TERF1: variants seen among roughly 807,000 people sequenced by gnomAD.
The protein encoded by TERF1 is telomeric repeat-binding factor 1.
Under a neutral mutation model 55.1 loss-of-function variants are expected in TERF1, and 20 were observed. The ratio of observed to expected loss-of-function variants is 0.36; its 90% CI spans 0.26 to 0.53. The LOEUF (loss-of-function observed/expected upper bound fraction) is 0.53. Among genes scored for constraint, TERF1 ranks in the 20% least tolerant of loss-of-function variants. The pLI, the probability that TERF1 is intolerant of heterozygous loss-of-function variation, is 0.91. For missense variants in TERF1, 439 were observed against 535.7 expected, an observed-to-expected ratio of 0.82 and a Z score of 1.78; for synonymous variants, 168 against 181.2, an observed-to-expected ratio of 0.93 and a Z score of 0.59.
intron 5 of TERF1, among the ~76,000 whole-genome samples, chr8:73,025,903 A>G (rs1808966531): frequency 6.6e-6 from 1 of 150,588 alleles, no homozygotes; most frequent in Admixed American, 6.6e-5. Flanking sequence ...CTCAAAAAAA[A>G]GACATTTCTG....
chr8:73,030,517 T>G (rs1419111831), intron 7 of TERF1, 122 bp downstream of exon 7: 11 of 608,994 alleles, frequency 1.8e-5, no homozygotes, highest in Non-Finnish European at 2.4e-5. Flanking sequence ...GGGTCCTAGT[T>G]AGCCCAACAG....
At chr8:73,031,979 C>T in intron 7 of TERF1, 63 bp from the exon 8 acceptor site, 1 of 1,128,420 alleles carries the variant, frequency 8.9e-7, no homozygotes, top group South Asian at 1.3e-5. Flanking sequence ...AAATCATTTA[C>T]CTGTTTTCCA....
In TERF1 at chr8:73,038,992, G is replaced by A. The variant is rs2306494; in HGVS notation, c.1040-124G>A. 0.65 allele frequency: 537,438 copies of A among 831,048 alleles called. 178,923 individuals are homozygous for A. The highest frequency in any genetic ancestry group is 0.73 in the Middle Eastern group (1,921 of 2,630). The allele number at this position is 831,048 out of a possible 1,614,324, so 51.5% of individuals were successfully genotyped here. On this transcript the variant is annotated intron_variant, in intron 8 of 9. Coordinates refer to ENST00000276603, the MANE Select transcript of TERF1 (RefSeq NM_017489.3). ...ACTGCTTCCAGATTTGAAGGAAAAAGTTAAACATGTACTTTTTCTTAGAAT... is the reference window on the plus strand; with the variant it reads ...ACTGCTTCCAGATTTGAAGGAAAAAATTAAACATGTACTTTTTCTTAGAAT...
intron 7 of TERF1, chr8:73,030,858 C>T (rs1266341308): frequency 6.6e-6 from 1 of 152,420 alleles, no homozygotes; most frequent in Non-Finnish European, 1.5e-5. Context: ...TGATTTCTAA[C>T]ATAGAGCAGT....
At chr8:73,021,621 T>A (rs1461766826) in intron 3 of TERF1, among the ~76,000 whole-genome samples, 1 of 152,200 alleles carries the variant, frequency 6.6e-6, no homozygotes. Context: ...TAGGTACTAT[T>A]GTTTCCACCA....
chr8:73,012,738 A>C, intron 1 of TERF1: 1 of 269,256 alleles, frequency 3.7e-6, no homozygotes. Context: ...AATTTGTAAA[A>C]AACATGCAAT....
At chr8:73,037,559 G>A (rs1272141927) in intron 8 of TERF1, among the ~76,000 whole-genome samples, 3 of 92,908 alleles carry the variant, frequency 3.2e-5, no homozygotes, top group African/African-American at 8.1e-5. Context: ...ATTCGGGGGG[G>A]AAAATATATA....
At chr8:73,012,152 C>G (rs1808303595) in intron 1 of TERF1, 1 of 152,090 alleles carries the variant, frequency 6.6e-6, no homozygotes, top group African/African-American at 2.4e-5. Flanking sequence ...ATAAGGAGGC[C>G]TGAAGAGAGG....
intron 1 of TERF1, chr8:73,009,524 C>G (rs944221543): frequency 9.9e-6 from 3 of 302,576 alleles, no homozygotes; most frequent in African/African-American, 6.6e-5. Context: ...GCTTTCTACT[C>G]AGGTATTCCT....
intron 9 of TERF1, among the ~76,000 whole-genome samples, chr8:73,040,475 A>G (rs1809786754): frequency 6.6e-6 from 1 of 152,206 alleles, no homozygotes; most frequent in Non-Finnish European, 1.5e-5. Context: ...GTGAATTCCC[A>G]AAGGAGAAGA....
At chr8:73,021,719 A>T (rs544536816) in intron 3 of TERF1, among the ~76,000 whole-genome samples, 1 of 152,286 alleles carries the variant, frequency 6.6e-6, no homozygotes, top group African/African-American at 2.4e-5. Context: ...GTCCTGTCTT[A>T]CTTACCACGT....
intron 1 of TERF1, 27 bp from the exon 2 acceptor site, chr8:73,013,868 A>G (rs1476497044): frequency 1.3e-6 from 2 of 1,509,410 alleles, no homozygotes; most frequent in Admixed American, 3.5e-5. Context: ...TTTGATTTTA[A>G]TAAAATTTAC....
intron 5 of TERF1, among the ~76,000 whole-genome samples, chr8:73,025,949 C>CT (rs1247856833): frequency 6.6e-6 from 1 of 151,214 alleles, no homozygotes; most frequent in African/African-American, 2.4e-5. Flanking sequence ...AATCCCAGCA[C>CT]TTTGGGAGGC....
rs143834737 is a variant in TERF1, at chr8:73,026,385, C to T, written c.775-555C>T. Among the ~76,000 whole-genome samples, 4 of 150,888 alleles carry T rather than the reference C, an allele frequency of 2.7e-5. No individual in the cohort carries two copies. In the Admixed American group the frequency reaches 2.7e-4, roughly 10 times the overall value. ...GCATAGTGGCGCATGCCTGTAGTCCCAGCTACCTAGGAGGCTGATGTGGGA... is the reference window on the plus strand; with the variant it reads ...GCATAGTGGCGCATGCCTGTAGTCCTAGCTACCTAGGAGGCTGATGTGGGA... On this transcript the variant is annotated intron_variant, in intron 5 of 9. Coordinates refer to ENST00000276603, the MANE Select transcript of TERF1 (RefSeq NM_017489.3).
At chr8:73,009,340 C>T (rs1336604859) in intron 1 of TERF1, 135 bp downstream of exon 1, 2 of 805,774 alleles carry the variant, frequency 2.5e-6, no homozygotes, top group Non-Finnish European at 3.8e-6. Context: ...TCCGAGGCTC[C>T]GGGCTGAACT....
In TERF1 at chr8:73,046,231, T is replaced by C. The variant is rs537844437; in HGVS notation, c.*94T>C. On this transcript the variant is annotated 3_prime_UTR_variant, in exon 10 of 10. Transcript: ENST00000276603. The stretch of plus-strand genomic sequence containing the variant: ...TGTCATTGATGTAATTTAAAACTTT[T>C]GTTTAAAGCATTACAGTATTTTTCT... 8.7e-4 allele frequency: 1,002 copies of C among 1,152,980 alleles called. No homozygotes were observed. Among genetic ancestry groups the C allele is most frequent in the Non-Finnish European group, 1.1e-3 (939 of 842,512 alleles). The allele number at this position is 1,152,980 out of a possible 1,614,324, so 71.4% of individuals were successfully genotyped here.
At chr8:73,015,856 G>A (rs1226513056) in intron 2 of TERF1, among the ~76,000 whole-genome samples, 20 of 152,056 alleles carry the variant, frequency 1.3e-4, no homozygotes, top group Admixed American at 1.3e-3. Flanking sequence ...TCCAGCAGGT[G>A]TAGCTAAAAA....
intron 9 of TERF1, among the ~76,000 whole-genome samples, chr8:73,039,594 C>G (rs1809747370): frequency 6.6e-6 from 1 of 151,986 alleles, no homozygotes; most frequent in South Asian, 2.1e-4. Context: ...AGAAAAGATA[C>G]CATTTGATCA....
chr8:73,045,971 G>A lies in TERF1; in HGVS notation c.1154G>A (p.Trp385Ter). The A allele has an allele frequency of 6.4e-7, 1 of 1,574,162 alleles. No homozygotes were observed. Among genetic ancestry groups the A allele is most frequent in the Non-Finnish European group, 8.6e-7 (1 of 1,163,738 alleles). ...ACTTTTTATCAAAAGGCATGGCTTT[G>A]GGAAGAAGACAAGAATTTGAGATCT... The part of the protein sequence containing the change: ...HRARKRQAWL[W>*]EEDKNLRSGV... The change falls in exon 10 of 10, where the codon TGG becomes TAG. Residue 385 changes from tryptophan (W) to a stop codon, truncating the protein, a stop_gained. Coordinates refer to ENST00000276603, the MANE Select transcript of TERF1 (RefSeq NM_017489.3). LOFTEE classifies it high-confidence loss of function.
Sources: allele counts gnomAD v4.1 joint callset (sites outside exome capture counted in the v4.1 genomes callset), GRCh38; gene constraint gnomAD v4.1.1; transcripts MANE v1.5; gene names NCBI Gene and HGNC (gene_info 2026-07-23, HGNC 2026-07-21).